PCDHA5: variants seen among roughly 807,000 people sequenced by gnomAD.
PCDHA5 encodes the protein protocadherin alpha-5.
In PCDHA5, 43 loss-of-function variants were observed where a neutral mutation model predicts 61.6. That is an observed-to-expected ratio of 0.70 (90% CI 0.55 to 0.90). The LOEUF is 0.90. Ranked by LOEUF, PCDHA5 falls within the 40% of genes least tolerant of loss-of-function variation. The pLI is 0.00. For synonymous variants in PCDHA5, 627 were observed against 543.9 expected (o/e 1.15, Z -2.13); for missense variants, 1,298 against 1,222.7 (o/e 1.06, Z -0.92).
intron 1 of PCDHA5, chr5:140,967,828 CATCGTGG>C: frequency 6.2e-7 from 1 of 1,614,146 alleles, no homozygotes. Flanking sequence ...TGCTGGTGGA[CATCGTGG>C]ACGTGAATGA....
At chr5:140,968,749 G>A in intron 1 of PCDHA5, 1 of 1,614,150 alleles carries the variant, frequency 6.2e-7, no homozygotes, top group Non-Finnish European at 8.5e-7. Context: ...TGACCGTGGT[G>A]GTCCGAGATA....
intron 1 of PCDHA5, among the ~76,000 whole-genome samples, chr5:140,925,108 G>GGAAGGAAGGAA (rs1554202548): frequency 1.6e-5 from 2 of 124,702 alleles, no homozygotes; most frequent in African/African-American, 3.3e-5. Flanking sequence ...GAAGGAAGGA[G>GGAAGGAAGGAA]GGAAGGAAGG....
chr5:140,875,351 G>C, intron 1 of PCDHA5: 1 of 1,445,562 alleles, frequency 6.9e-7, no homozygotes, highest in Non-Finnish European at 9.1e-7. Context: ...CATAATGACT[G>C]TGATGCTGGA....
At chr5:140,868,946 G>A in intron 1 of PCDHA5, 1 of 1,292,214 alleles carries the variant, frequency 7.7e-7, no homozygotes, top group Middle Eastern at 2.5e-4. Flanking sequence ...TCTGAACAGT[G>A]AGGCACTCCC....
At chr5:140,959,826 T>C (rs2095512884) in intron 1 of PCDHA5, among the ~76,000 whole-genome samples, 1 of 152,224 alleles carries the variant, frequency 6.6e-6, no homozygotes, top group Non-Finnish European at 1.5e-5. Flanking sequence ...CACATGATAA[T>C]GTATTATGCC....
chr5:140,928,712 GT>G (rs782592622), intron 1 of PCDHA5: 1 of 1,614,168 alleles, frequency 6.2e-7, no homozygotes, highest in Non-Finnish European at 8.5e-7. Context: ...TCTGACTCTA[GT>G]CTCTTTAGAA....
chr5:140,966,520 C>T, intron 1 of PCDHA5: 1 of 437,694 alleles, frequency 2.3e-6, no homozygotes, highest in East Asian at 3.5e-5. Context: ...CAGCAGGAAG[C>T]CGAGCCGGGT....
intron 1 of PCDHA5, among the ~76,000 whole-genome samples, chr5:140,838,797 C>T (rs1775892609): frequency 6.6e-6 from 1 of 151,930 alleles, no homozygotes; most frequent in African/African-American, 2.4e-5. Flanking sequence ...TGATGCATGT[C>T]TGTAGTTTCA....
Position 141,010,268 on chromosome 5 carries a change from A to T in PCDHA5, c.*331A>T. 1 of 1,551,622 alleles carries T rather than the reference A, an allele frequency of 6.4e-7. No homozygotes were observed. Among genetic ancestry groups the T allele is most frequent in the Non-Finnish European group, 8.7e-7 (1 of 1,146,964 alleles). On this transcript the variant is annotated 3_prime_UTR_variant, in exon 4 of 4. Coordinates refer to ENST00000529859, the MANE Select transcript of PCDHA5 (RefSeq NM_018908.3). ...GGACTCTCTGCCCTGTGCTCCGGGG[A>T]TCCTGTCTTGATGACACTTGCAGGG...
chr5:140,954,537 T>C (rs2095052425), intron 1 of PCDHA5, among the ~76,000 whole-genome samples: 1 of 152,268 alleles, frequency 6.6e-6, no homozygotes, highest in Non-Finnish European at 1.5e-5. Flanking sequence ...TTGAGGTTTT[T>C]TTCATATGTT....
intron 1 of PCDHA5, chr5:140,850,732 G>A (rs1320738084): frequency 6.3e-7 from 1 of 1,597,840 alleles, no homozygotes; most frequent in Non-Finnish European, 8.6e-7. Context: ...AGCGCGGTGG[G>A]GAGTTGGTCG....
rs782195215 is a variant in PCDHA5 at position 140,856,375 on chromosome 5, G to A, written c.2352+32248G>A. The stretch of plus-strand genomic sequence containing the variant: ...GCAGCATCCACCTGGAGGTGATCGT[G>A]GACAGGCCGCTGCAGGTTTTCCATG... On this transcript the variant is annotated intron_variant, in intron 1 of 3. Transcript: ENST00000529859. The A allele has an allele frequency of 1.9e-5, 30 of 1,598,518 alleles. 2 individuals are homozygous for A. The highest frequency in any genetic ancestry group is 2.5e-5 in the Non-Finnish European group (29 of 1,167,968).
intron 1 of PCDHA5, chr5:140,862,802 T>C (rs1554156982): frequency 1.7e-6 from 1 of 577,736 alleles, no homozygotes; most frequent in Non-Finnish European, 3.3e-6. Flanking sequence ...GAGCTGGAGC[T>C]GCTGCAGTTC....
intron 1 of PCDHA5, chr5:140,843,673 T>G: frequency 6.3e-7 from 1 of 1,592,546 alleles, no homozygotes; most frequent in Non-Finnish European, 8.6e-7. Flanking sequence ...GATCAGTTGA[T>G]GTAGGCGAAG....
intron 1 of PCDHA5, among the ~76,000 whole-genome samples, chr5:140,826,351 C>A (rs1284883588): frequency 6.6e-6 from 1 of 151,972 alleles, no homozygotes; most frequent in African/African-American, 2.4e-5. Context: ...CCTTTGTTTG[C>A]CCAAAATAAC....
rs2150124937 is a variant in PCDHA5, at chr5:140,823,353, A to G, written c.1578A>G (p.Glu526=). The G allele has an allele frequency of 2.0e-5, 32 of 1,612,244 alleles. No individual in the cohort carries two copies. The African/African-American group carries it at 2.8e-4, about 14-fold the overall frequency. The change falls in exon 1 of 4, where the codon GAA becomes GAG. Residue 526 remains glutamate, a synonymous_variant. Coordinates refer to ENST00000529859, the MANE Select transcript of PCDHA5 (RefSeq NM_018908.3). ...CGCTGCAGCCGCTGGACCACGAGGAAGTGGAGCTGCTGCAGTTCCAGGTGA... is the reference window on the plus strand; with the variant it reads ...CGCTGCAGCCGCTGGACCACGAGGAGGTGGAGCTGCTGCAGTTCCAGGTGA... ...VYALQPLDHE[E]VELLQFQVSA...
intron 1 of PCDHA5, chr5:140,869,898 C>T (rs782158709): frequency 6.2e-7 from 1 of 1,610,356 alleles, no homozygotes; most frequent in Non-Finnish European, 8.5e-7. Flanking sequence ...TCAAACTAAA[C>T]GCCACAGACC....
intron 2 of PCDHA5, chr5:140,982,224 A>C: frequency 1.7e-6 from 1 of 587,320 alleles, no homozygotes; most frequent in South Asian, 3.8e-5. Flanking sequence ...TGGCGTTAAT[A>C]AAAAACAGAA....
At position 140,849,698 on chromosome 5, in the gene PCDHA5, C is replaced by A. The variant is rs2150445577; in HGVS notation, c.2352+25571C>A. 5 of 1,598,548 alleles carry A rather than the reference C, an allele frequency of 3.1e-6. No individual in the cohort carries two copies. The East Asian group carries it at 1.1e-4, about 36-fold the overall frequency. ...TCCCCTTCAAGCTGGTGTCCACCTA[C>A]AAGAATTACTACTCGTTGGTGCTGG... On this transcript the variant is annotated intron_variant, in intron 1 of 3. Coordinates refer to ENST00000529859, the MANE Select transcript of PCDHA5 (RefSeq NM_018908.3).
Sources: allele counts gnomAD v4.1 joint callset (sites outside exome capture counted in the v4.1 genomes callset), GRCh38; gene constraint gnomAD v4.1.1; transcripts MANE v1.5; gene names NCBI Gene and HGNC (gene_info 2026-07-23, HGNC 2026-07-21).